ITGA7: variants seen among roughly 807,000 people sequenced by gnomAD.
ITGA7 encodes integrin alpha-7.
A neutral mutation model predicts 131.6 loss-of-function variants in ITGA7; 84 were observed. The ratio of observed to expected loss-of-function variants is 0.64; its 90% CI spans 0.54 to 0.77. ITGA7 has a LOEUF of 0.77. Ranked by LOEUF, ITGA7 falls within the 30% of genes least tolerant of loss-of-function variation. The probability of loss-of-function intolerance (pLI) is 0.00; values close to 1 mark genes in which losing one functional copy is unlikely to be tolerated. For missense variants in ITGA7, 1,399 were observed against 1,482.9 expected (o/e 0.94, Z 0.93); for synonymous variants, 548 against 600.7 (o/e 0.91, Z 1.28).
upstream of ITGA7, among the ~76,000 whole-genome samples, chr12:55,715,398 T>C (rs1203090470): frequency 1.3e-5 from 2 of 152,134 alleles, no homozygotes; most frequent in Admixed American, 1.3e-4. Flanking sequence ...ATAATTGTTC[T>C]CGCTGGAGTT....
chr12:55,716,279 A>G, upstream of ITGA7: 1 of 1,525,726 alleles, frequency 6.6e-7, no homozygotes, highest in South Asian at 1.2e-5. Context: ...GTAACTAACC[A>G]TATCCAGGGA....
rs1873042561 is a variant in ITGA7 at position 55,698,023 on chromosome 12, A to G, written c.1196T>C (p.Ile399Thr). Residue 399 changes from isoleucine to threonine, a missense_variant, in exon 8 of 25, where the codon ATT (isoleucine) becomes ACT (threonine). Coordinates refer to ENST00000257879, the MANE Select transcript of ITGA7 (RefSeq NM_002206.3). ...ACCATCAAAGGGGGCACCCACTGCA[A>G]TATCTGCAGGGCACAGGGAAAAGGC... ...GDLNQDGFPD[I>T]AVGAPFDGDG... 6.2e-7 allele frequency: 1 copy of G among 1,614,022 alleles called. No homozygotes were observed. The highest frequency in any genetic ancestry group is 8.5e-7 in the Non-Finnish European group (1 of 1,179,944).
chr12:55,695,045 C>G (rs1306565102), intron 14 of ITGA7, 75 bp from the exon 15 acceptor site: 4 of 1,424,844 alleles, frequency 2.8e-6, no homozygotes, highest in Admixed American at 3.8e-5. Flanking sequence ...TCTGCTCCCC[C>G]AGTACCTGCC....
upstream of ITGA7, chr12:55,715,865 T>C: frequency 1.4e-6 from 1 of 708,998 alleles, no homozygotes. Flanking sequence ...ACAGGAAATG[T>C]TAAAAACTGG....
At chr12:55,685,416 C>T in intron 24 of ITGA7, 128 bp from the exon 25 acceptor site, 1 of 857,486 alleles carries the variant, frequency 1.2e-6, no homozygotes, top group Admixed American at 2.0e-5. Context: ...GGCTGAATAG[C>T]ATCTGGTGTG....
At chr12:55,685,986 C>T (rs1389331207) in intron 24 of ITGA7, among the ~76,000 whole-genome samples, 2 of 152,214 alleles carry the variant, frequency 1.3e-5, no homozygotes, top group African/African-American at 4.8e-5. Flanking sequence ...CATGCTCACA[C>T]CCCATGAGCC....
At chr12:55,692,475 C>A (rs1209556801) in intron 21 of ITGA7, among the ~76,000 whole-genome samples, 1 of 152,244 alleles carries the variant, frequency 6.6e-6, no homozygotes, top group Admixed American at 6.5e-5. Flanking sequence ...AGTGTCCTTA[C>A]ACAAATTGAC....
chr12:55,710,178 C>G (rs552088635), upstream of ITGA7, among the ~76,000 whole-genome samples: 36 of 151,804 alleles, frequency 2.4e-4, no homozygotes, highest in Non-Finnish European at 4.4e-4. Flanking sequence ...CGGACCAACA[C>G]GGTGAAACCC....
chr12:55,712,474 A>G, upstream of ITGA7: 1 of 594,382 alleles, frequency 1.7e-6, no homozygotes, highest in Non-Finnish European at 3.0e-6. Flanking sequence ...TGGCCCAGCC[A>G]GTCAGTTTGG....
Position 55,698,859 on chromosome 12 carries a change from A to T in ITGA7, c.849T>A (p.Ala283=). Residue 283 remains alanine, a synonymous_variant, in exon 6 of 25, where the codon GCT becomes GCA. Coordinates refer to ENST00000257879, the MANE Select transcript of ITGA7 (RefSeq NM_002206.3). The part of the protein sequence containing the change: ...LVRAEELSFV[A]GAPRANHKGA... ...CCTTGTGGTTGGCGCGGGGGGCTCC[A>T]GCCACAAAGCTCAGCTCTTCTGCAC... The T allele has an allele frequency of 6.2e-7, 1 of 1,613,986 alleles. No homozygotes were observed. The highest frequency in any genetic ancestry group is 8.5e-7 in the Non-Finnish European group (1 of 1,179,966).
rs188327356 is a variant in ITGA7, at chr12:55,699,769, G to C, written c.790+101C>G. On this transcript the variant is annotated intron_variant, in intron 5 of 24. Coordinates refer to ENST00000257879, the MANE Select transcript of ITGA7 (RefSeq NM_002206.3). ...ATGTATGTCTCCCTGGGTGTGTGTT[G>C]GGGGAGGAGGAGATTATAAGGCACC... 189 of 1,395,222 alleles carry C rather than the reference G, an allele frequency of 1.4e-4. No individual in the cohort carries two copies. The East Asian group carries it at 2.5e-3, about 19-fold the overall frequency. 86.4% of individuals were successfully genotyped at this position (1,395,222 alleles called of 1,614,324 possible).
intron 1 of ITGA7, 122 bp downstream of exon 1, chr12:55,707,355 G>T: frequency 2.5e-6 from 2 of 788,946 alleles, no homozygotes; most frequent in Non-Finnish European, 4.2e-6. Context: ...GATGTGGGAT[G>T]TCTGTGGGCA....
chr12:55,690,138 A>G (rs942285992), intron 21 of ITGA7, among the ~76,000 whole-genome samples: 7 of 152,188 alleles, frequency 4.6e-5, no homozygotes, highest in African/African-American at 1.7e-4. Context: ...AATTAAACTA[A>G]AGAGCTTCTG....
rs754492884 is a variant in ITGA7 at position 55,685,126 on chromosome 12, G to T, written c.3346C>A (p.Pro1116Thr). 1.2e-6 allele frequency: 2 copies of T among 1,612,804 alleles called. No homozygotes were observed. Among genetic ancestry groups the T allele is most frequent in the African/African-American group, 2.7e-5 (2 of 74,948 alleles). Residue 1116 changes from proline to threonine, a missense_variant, in exon 25 of 25, where the codon CCC becomes ACC. Pro to Thr is a conservative substitution (Grantham distance 38, BLOSUM62 -1). Coordinates refer to ENST00000257879, the MANE Select transcript of ITGA7 (RefSeq NM_002206.3). Reference sequence around the variant, plus strand: ...GGATGCCCGTCAGCAGCCAGGATGGGGTGTGCATCCGGGCCCTCCCGCCGG... The same window carrying T: ...GGATGCCCGTCAGCAGCCAGGATGGTGTGTGCATCCGGGCCCTCCCGCCGG... ...SPRREGPDAH[P>T]ILAADGHPEL...
Position 55,684,775 on chromosome 12 carries a change from G to T in ITGA7, c.*283C>A. 2.2e-6 allele frequency: 1 copy of T among 452,208 alleles called. No individual in the cohort carries two copies. The allele number at this position is 452,208 out of a possible 1,614,324, so 28.0% of individuals were successfully genotyped here. ...TACACAGGGTGAATGGGAGAGGAAG[G>T]GATTAGGATCCCTTCTCCCCACCTT... On this transcript the variant is annotated 3_prime_UTR_variant, in exon 25 of 25. Coordinates refer to ENST00000257879, the MANE Select transcript of ITGA7 (RefSeq NM_002206.3).
At chr12:55,698,204 A>G (rs1873084044) in intron 7 of ITGA7, 178 bp from the exon 8 acceptor site, 1 of 832,388 alleles carries the variant, frequency 1.2e-6, no homozygotes, top group Admixed American at 2.4e-5. Context: ...AGATATTACT[A>G]ACGCAAAAAG....
At chr12:55,697,336 C>G in intron 10 of ITGA7, 59 bp from the exon 11 acceptor site, 1 of 1,577,928 alleles carries the variant, frequency 6.3e-7, no homozygotes, top group South Asian at 1.1e-5. Flanking sequence ...GGCCCCTACC[C>G]CCACCCCATC....
intron 21 of ITGA7, among the ~76,000 whole-genome samples, chr12:55,690,308 A>G (rs542724879): frequency 7.5e-4 from 114 of 152,298 alleles, no homozygotes; most frequent in Middle Eastern, 3.4e-3. Context: ...AAAAGTGGGC[A>G]AAGGACATGA....
chr12:55,686,928 C>A (rs971477411), intron 24 of ITGA7, among the ~76,000 whole-genome samples: 2 of 152,172 alleles, frequency 1.3e-5, no homozygotes, highest in African/African-American at 4.8e-5. Flanking sequence ...TCTGCCTCCA[C>A]GACTTTGCCT....
Sources: gnomAD v4.1 joint callset for allele counts (sites outside exome capture counted in the v4.1 genomes callset) on GRCh38, gnomAD v4.1.1 for gene constraint, MANE v1.5 for transcripts, NCBI Gene and HGNC (gene_info 2026-07-23, HGNC 2026-07-21) for gene names.